Variants in EYA2 observed in about 807,000 individuals in gnomAD.
The protein encoded by EYA2 is EYA transcriptional coactivator and phosphatase 2, also known as protein phosphatase EYA2.
Under a neutral mutation model 69.2 loss-of-function variants are expected in EYA2, and 31 were observed. That is an observed-to-expected ratio of 0.45 (90% CI 0.34 to 0.60). The LOEUF (loss-of-function observed/expected upper bound fraction) is 0.60. Ranked by LOEUF, EYA2 falls within the 20% of genes least tolerant of loss-of-function variation. The pLI, the probability that EYA2 is intolerant of heterozygous loss-of-function variation, is 0.02. For synonymous variants in EYA2, 257 were observed against 279.4 expected (o/e 0.92, Z 0.80); for missense variants, 622 against 701.2 (o/e 0.89, Z 1.28).
intron 1 of EYA2, among the ~76,000 whole-genome samples, chr20:46,897,282 T>A (rs1052835356): frequency 6.6e-6 from 1 of 152,208 alleles, no homozygotes; most frequent in Non-Finnish European, 1.5e-5. Context: ...AAAAAGGCTC[T>A]GTGGTGTAGC....
chr20:46,929,437 T>G (rs1985568651), intron 1 of EYA2, among the ~76,000 whole-genome samples: 1 of 150,636 alleles, frequency 6.6e-6, no homozygotes, highest in Non-Finnish European at 1.5e-5. Flanking sequence ...TTGAGGAAAT[T>G]TGTGTTCTCA....
At chr20:47,149,752 T>C (rs992056151) in intron 10 of EYA2, among the ~76,000 whole-genome samples, 1 of 149,634 alleles carries the variant, frequency 6.7e-6, no homozygotes, top group African/African-American at 2.5e-5. Flanking sequence ...TCTCAGTTAC[T>C]TGGGAGGCTG....
chr20:47,093,670 A>C (rs1325659751), intron 8 of EYA2, among the ~76,000 whole-genome samples: 1 of 152,236 alleles, frequency 6.6e-6, no homozygotes, highest in Non-Finnish European at 1.5e-5. Context: ...TCTGGGCACC[A>C]GCGCCTGCAC....
At chr20:47,059,575 T>C (rs1238247419) in intron 5 of EYA2, among the ~76,000 whole-genome samples, 1 of 152,234 alleles carries the variant, frequency 6.6e-6, no homozygotes, top group African/African-American at 2.4e-5. Context: ...GGTCTCGAAC[T>C]CCTGACCTCG....
At chr20:46,960,899 C>G (rs529098335) in intron 1 of EYA2, among the ~76,000 whole-genome samples, 5 of 152,152 alleles carry the variant, frequency 3.3e-5, no homozygotes, top group African/African-American at 1.2e-4. Context: ...AGAACGTAAA[C>G]GAGTGGGCAT....
chr20:47,186,634 C>A (rs1198617329), intron 15 of EYA2, among the ~76,000 whole-genome samples: 4 of 152,126 alleles, frequency 2.6e-5, no homozygotes. Flanking sequence ...CCTAGGATTA[C>A]AGGCGTGAGC....
At chr20:46,981,810 G>A (rs967235053) in intron 1 of EYA2, among the ~76,000 whole-genome samples, 2 of 151,904 alleles carry the variant, frequency 1.3e-5, no homozygotes, top group Non-Finnish European at 2.9e-5. Context: ...ATTTAAAAGG[G>A]GTCTCTTGTA....
At chr20:47,020,832 C>G (rs1983706443) in intron 5 of EYA2, among the ~76,000 whole-genome samples, 1 of 152,214 alleles carries the variant, frequency 6.6e-6, no homozygotes, top group Non-Finnish European at 1.5e-5. Flanking sequence ...ATGGGCACCA[C>G]AGATGAGATC....
At chr20:47,169,611 T>C (rs1257255473) in intron 11 of EYA2, among the ~76,000 whole-genome samples, 1 of 152,256 alleles carries the variant, frequency 6.6e-6, no homozygotes, top group Admixed American at 6.5e-5. Flanking sequence ...TCCTGCTTAC[T>C]GAAGTAATGC....
intron 8 of EYA2, 149 bp downstream of exon 8, chr20:47,089,530 A>G: frequency 1.1e-6 from 1 of 908,916 alleles, no homozygotes; most frequent in Middle Eastern, 3.5e-4. Flanking sequence ...GAGGTTGTCC[A>G]AGCAGGTAGT....
chr20:46,972,842 G>A (rs1980221498), intron 1 of EYA2, among the ~76,000 whole-genome samples: 1 of 152,210 alleles, frequency 6.6e-6, no homozygotes, highest in Non-Finnish European at 1.5e-5. Flanking sequence ...AATGAGGAAA[G>A]AATTTTGACA....
intron 10 of EYA2, among the ~76,000 whole-genome samples, chr20:47,158,245 T>C (rs1488954569): frequency 6.6e-6 from 1 of 152,026 alleles, no homozygotes; most frequent in Non-Finnish European, 1.5e-5. Context: ...CTGGGTGCAG[T>C]GGCTCACGCC....
chr20:47,019,614 G>A (rs939768285), intron 5 of EYA2, among the ~76,000 whole-genome samples: 1 of 152,070 alleles, frequency 6.6e-6, no homozygotes, highest in Non-Finnish European at 1.5e-5. Flanking sequence ...TGAACTTTTA[G>A]GCCTGAAAAT....
chr20:46,915,991 C>G (rs1441943784), intron 1 of EYA2, among the ~76,000 whole-genome samples: 1 of 152,186 alleles, frequency 6.6e-6, no homozygotes, highest in African/African-American at 2.4e-5. Flanking sequence ...AAAAGATCAA[C>G]CGAAATGACC....
At chr20:46,928,315 A>G (rs1985503129) in intron 1 of EYA2, among the ~76,000 whole-genome samples, 1 of 152,198 alleles carries the variant, frequency 6.6e-6, no homozygotes. Flanking sequence ...CTGATCTTTC[A>G]AGTACTGCTT....
chr20:47,145,052 C>G (rs577341035), intron 10 of EYA2, among the ~76,000 whole-genome samples: 1 of 152,264 alleles, frequency 6.6e-6, no homozygotes, highest in African/African-American at 2.4e-5. Flanking sequence ...GCTTATTGCC[C>G]CCACTTCTGT....
intron 10 of EYA2, among the ~76,000 whole-genome samples, chr20:47,163,909 G>A (rs1336101588): frequency 2.6e-5 from 4 of 152,116 alleles, no homozygotes; most frequent in South Asian, 4.2e-4. Context: ...CCCTCGAGAC[G>A]GGGATTGCAC....
At chr20:46,925,286 A>G (rs373866073) in intron 1 of EYA2, among the ~76,000 whole-genome samples, 1 of 152,244 alleles carries the variant, frequency 6.6e-6, no homozygotes, top group Admixed American at 6.5e-5. Flanking sequence ...CCATAGCAGA[A>G]GTTTACTCAA....
chr20:46,978,380 G>A (rs549782124), intron 1 of EYA2: 8 of 347,676 alleles, frequency 2.3e-5, no homozygotes, highest in East Asian at 1.5e-4. Context: ...GAGGGAAATC[G>A]CTTACTCAGG....
Sources: allele counts gnomAD v4.1 joint callset (sites outside exome capture counted in the v4.1 genomes callset), GRCh38; gene constraint gnomAD v4.1.1; transcripts MANE v1.5; gene names NCBI Gene and HGNC (gene_info 2026-07-23, HGNC 2026-07-21).